The following FRMD4B variants were observed in gnomAD, a reference collection of about 807,000 sequenced individuals.
FRMD4B encodes the protein FERM domain-containing protein 4B.
Under a neutral mutation model 141.5 loss-of-function variants are expected in FRMD4B, and 74 were observed. That is an observed-to-expected ratio of 0.52 (90% CI 0.43 to 0.63). FRMD4B has a LOEUF of 0.63. Among genes scored for constraint, FRMD4B ranks in the 30% least tolerant of loss-of-function variants. The pLI is 0.00. For missense variants in FRMD4B, 1,366 were observed against 1,253.4 expected, an observed-to-expected ratio of 1.09 and a Z score of -1.36; for synonymous variants, 506 against 467.9, an observed-to-expected ratio of 1.08 and a Z score of -1.05.
At chr3:69,172,358 G>A (rs763208141) in intron 22 of FRMD4B, among the ~76,000 whole-genome samples, 2 of 151,846 alleles carry the variant, frequency 1.3e-5, no homozygotes, top group Non-Finnish European at 2.9e-5. Flanking sequence ...GACATTAACT[G>A]GTTTTGTATC....
At chr3:69,313,930 G>C (rs1701698455) in intron 1 of FRMD4B, among the ~76,000 whole-genome samples, 1 of 148,932 alleles carries the variant, frequency 6.7e-6, no homozygotes, top group Non-Finnish European at 1.5e-5. Flanking sequence ...ACGAGGTCAG[G>C]AGATCGAGAC....
chr3:69,424,381 A>G (rs1705039784), intron 2 of FRMD4B, among the ~76,000 whole-genome samples: 1 of 152,020 alleles, frequency 6.6e-6, no homozygotes, highest in South Asian at 2.1e-4. Context: ...GCAGCATCGA[A>G]CTCCTGGACT....
chr3:69,470,116 A>G (rs1182927302), intron 1 of FRMD4B, among the ~76,000 whole-genome samples: 1 of 152,250 alleles, frequency 6.6e-6, no homozygotes, highest in Non-Finnish European at 1.5e-5. Context: ...TTTTGCAGAA[A>G]ACAAGTTTAT....
chr3:69,239,864 C>G (rs1218510456), intron 7 of FRMD4B, among the ~76,000 whole-genome samples: 1 of 151,980 alleles, frequency 6.6e-6, no homozygotes, highest in Non-Finnish European at 1.5e-5. Flanking sequence ...CCAGCCTGGC[C>G]AACATGGTGA....
chr3:69,282,798 C>A (rs1288446878), intron 5 of FRMD4B, among the ~76,000 whole-genome samples: 4 of 151,996 alleles, frequency 2.6e-5, no homozygotes, highest in African/African-American at 9.7e-5. Flanking sequence ...CCACCACACC[C>A]AGCTAATTGT....
intron 2 of FRMD4B, among the ~76,000 whole-genome samples, chr3:69,397,799 C>T (rs771279011): frequency 7.2e-5 from 11 of 152,000 alleles, no homozygotes; most frequent in African/African-American, 1.7e-4. Flanking sequence ...ATTATAGTAA[C>T]GGTTGCACCA....
chr3:69,420,206 G>GA (rs1704947784), intron 2 of FRMD4B, among the ~76,000 whole-genome samples: 1 of 146,062 alleles, frequency 6.8e-6, no homozygotes, highest in Non-Finnish European at 1.5e-5. Context: ...TAATCCCTGG[G>GA]AAAAATCTCA....
chr3:69,244,183 ATCTG>A (rs1164199221), intron 7 of FRMD4B, among the ~76,000 whole-genome samples: 1 of 152,226 alleles, frequency 6.6e-6, no homozygotes. Flanking sequence ...GCAGAAGGAA[ATCTG>A]TCTGACAGGT....
intron 1 of FRMD4B, among the ~76,000 whole-genome samples, chr3:69,511,565 C>T (rs1213232731): frequency 6.6e-6 from 1 of 152,186 alleles, no homozygotes; most frequent in African/African-American, 2.4e-5. Context: ...TGACTGACAG[C>T]CCCAGCTGTC....
intron 22 of FRMD4B, among the ~76,000 whole-genome samples, chr3:69,175,769 CTTTTTTTTTTTTT>C (rs141059202): frequency 1.1e-5 from 1 of 88,114 alleles, no homozygotes; most frequent in East Asian, 2.8e-4. Flanking sequence ...CTTTTCTTCT[CTTTTTTTTTTTTT>C]TTTTTTTTTT....
intron 1 of FRMD4B, among the ~76,000 whole-genome samples, chr3:69,348,815 G>A (rs942152505): frequency 6.6e-6 from 1 of 152,110 alleles, no homozygotes; most frequent in Non-Finnish European, 1.5e-5. Flanking sequence ...CAATAAATTA[G>A]GTATTGATGG....
intron 7 of FRMD4B, among the ~76,000 whole-genome samples, chr3:69,240,504 A>C (rs1226760144): frequency 6.6e-6 from 1 of 150,914 alleles, no homozygotes; most frequent in African/African-American, 2.4e-5. Context: ...AAAAAAAAAA[A>C]AAGAACACGT....
chr3:69,376,195 G>A (rs958409754), intron 1 of FRMD4B, among the ~76,000 whole-genome samples: 5 of 152,114 alleles, frequency 3.3e-5, no homozygotes, highest in Admixed American at 6.5e-5. Flanking sequence ...TAGGGAGTGG[G>A]AAGAGGTACA....
chr3:69,260,133 G>A (rs891024354), intron 5 of FRMD4B, among the ~76,000 whole-genome samples: 38 of 151,986 alleles, frequency 2.5e-4, no homozygotes, highest in Non-Finnish European at 3.4e-4. Context: ...GCTCGCTCTC[G>A]GTGCCTCCTT....
intron 1 of FRMD4B, among the ~76,000 whole-genome samples, chr3:69,455,357 C>G (rs1462112995): frequency 6.6e-6 from 1 of 152,208 alleles, no homozygotes; most frequent in Admixed American, 6.5e-5. Flanking sequence ...TTATTTGGGT[C>G]TGCACTGCCT....
intron 5 of FRMD4B, among the ~76,000 whole-genome samples, chr3:69,272,863 T>C (rs751462922): frequency 3.3e-5 from 5 of 152,210 alleles, no homozygotes; most frequent in Non-Finnish European, 7.3e-5. Context: ...AATGGGTCTT[T>C]CCATGAATGT....
chr3:69,267,632 TATATAGAGAGAGAGAG>T (rs2093572728), intron 5 of FRMD4B, among the ~76,000 whole-genome samples: 5 of 10,600 alleles, frequency 4.7e-4, no homozygotes, highest in African/African-American at 1.7e-3. Context: ...TATATATATA[TATATAGAGAGAGAGAG>T]AGAGAGAGAG....
chr3:69,287,873 A>G lies in FRMD4B; in HGVS notation c.417-37T>C, dbSNP rs200693401. 2,928 of 966,250 alleles carry G rather than the reference A, an allele frequency of 3.0e-3. 14 individuals carry two copies. The highest frequency in any genetic ancestry group is 0.012 in the South Asian group (799 of 69,010). The allele number at this position is 966,250 out of a possible 1,614,324, so 59.9% of individuals were successfully genotyped here. ...CAGAGGAGTTTGTTCCTTCAGATTT[A>G]TTTTCACCTCTCAGCATTCCTCATT... On this transcript the variant is annotated intron_variant, in intron 4 of 22. Transcript: ENST00000398540.
At chr3:69,511,774 T>A (rs1498855) in intron 1 of FRMD4B, among the ~76,000 whole-genome samples, 6,233 of 152,254 alleles carry the variant, frequency 0.041, 413 homozygotes, top group African/African-American at 0.14. Context: ...CAGACCTGCA[T>A]TTGTGGTCTG....
Sources: allele counts gnomAD v4.1 joint callset (sites outside exome capture counted in the v4.1 genomes callset), GRCh38; gene constraint gnomAD v4.1.1; transcripts MANE v1.5; gene names NCBI Gene and HGNC (gene_info 2026-07-23, HGNC 2026-07-21).